Variants in ARHGEF10L observed in about 807,000 individuals in gnomAD.
ARHGEF10L encodes the protein Rho guanine nucleotide exchange factor 10 like, also known as rho guanine nucleotide exchange factor 10-like protein.
ARHGEF10L carries 69 observed loss-of-function variants against 141.2 expected under a neutral mutation model. That is an observed-to-expected ratio of 0.49 (90% CI 0.40 to 0.60). The LOEUF is 0.60. Among genes scored for constraint, ARHGEF10L ranks in the 20% least tolerant of loss-of-function variants. The pLI, the probability that ARHGEF10L is intolerant of heterozygous loss-of-function variation, is 0.00. For synonymous variants in ARHGEF10L, 711 were observed against 718.5 expected (o/e 0.99, Z 0.17); for missense variants, 1,482 against 1,734.3 (o/e 0.85, Z 2.58).
rs535413642 is a variant in ARHGEF10L, at chr1:17,609,427, C to T, written c.609+1450C>T. 7.2e-5 allele frequency among the ~76,000 whole-genome samples: 11 copies of T among 152,350 alleles called. No homozygotes were observed. In the East Asian group the frequency reaches 1.4e-3, roughly 19 times the overall value. On this transcript the variant is annotated intron_variant, in intron 7 of 28. Transcript: ENST00000361221. ...AAAAGCGAAGCATTTACAACACCTACTGTGTGCCTAGTCCATATCTTCAGT... is the reference window on the plus strand; with the variant it reads ...AAAAGCGAAGCATTTACAACACCTATTGTGTGCCTAGTCCATATCTTCAGT...
intron 19 of ARHGEF10L, 150 bp from the exon 20 acceptor site, chr1:17,638,412 C>T (rs1393628875): frequency 8.4e-7 from 1 of 1,183,930 alleles, no homozygotes; most frequent in African/African-American, 1.5e-5. Flanking sequence ...AGTTGGCCTC[C>T]TGCGTGGGGC....
chr1:17,638,774 C>T, intron 20 of ARHGEF10L, 85 bp downstream of exon 20: 1 of 1,568,364 alleles, frequency 6.4e-7, no homozygotes, highest in Non-Finnish European at 8.6e-7. Context: ...GTACCTGGAG[C>T]CCTCTTATTT....
chr1:17,673,932 G>A lies in ARHGEF10L; in HGVS notation c.3009+9337G>A, dbSNP rs1343455150. 3.3e-5 allele frequency among the ~76,000 whole-genome samples: 5 copies of A among 152,150 alleles called. No individual in the cohort carries two copies. The highest frequency in any genetic ancestry group is 9.7e-5 in the African/African-American group (4 of 41,396). On this transcript the variant is annotated intron_variant, in intron 26 of 28. Coordinates refer to ENST00000361221, the MANE Select transcript of ARHGEF10L (RefSeq NM_018125.4). The surrounding 1 kb of genome is among the most constrained non-coding windows in gnomAD (Gnocchi z 4.1). ...TCAGGGTGACTGGGACCACACACTC[G>A]TTGGTGGAGCCAGGATCTCAGGGTG...
chr1:17,671,755 C>G (rs1186685319), intron 26 of ARHGEF10L, among the ~76,000 whole-genome samples: 2 of 152,206 alleles, frequency 1.3e-5, no homozygotes, highest in Non-Finnish European at 2.9e-5. Flanking sequence ...CAGCTACATG[C>G]TGACATCCTG....
At chr1:17,632,785 G>C (rs2060775263) in intron 16 of ARHGEF10L, among the ~76,000 whole-genome samples, 1 of 152,170 alleles carries the variant, frequency 6.6e-6, no homozygotes, top group South Asian at 2.1e-4. Context: ...ATTCTTCCTT[G>C]TGTCTACCCC....
chr1:17,633,153 C>T (rs1458536787), intron 16 of ARHGEF10L, among the ~76,000 whole-genome samples: 2 of 152,140 alleles, frequency 1.3e-5, no homozygotes, highest in Non-Finnish European at 2.9e-5. Context: ...CCTGAGGCCA[C>T]GTGGGCCTGG....
chr1:17,588,833 C>T (rs1171237381), intron 4 of ARHGEF10L, among the ~76,000 whole-genome samples: 2 of 120,616 alleles, frequency 1.7e-5, no homozygotes, highest in Non-Finnish European at 3.3e-5. Context: ...GAGAAGCAAA[C>T]AGCTGGAGGG....
intron 4 of ARHGEF10L, among the ~76,000 whole-genome samples, chr1:17,588,849 AGTGTGTGTGTGTGTGTGTGTGT>A (rs57719075): frequency 9.8e-5 from 2 of 20,434 alleles, no homozygotes; most frequent in Non-Finnish European, 1.8e-4. Flanking sequence ...GAGGGTCCCC[AGTGTGTGTGTGTGTGTGTGTGT>A]GTGTGTGTGT....
upstream of ARHGEF10L, among the ~76,000 whole-genome samples, chr1:17,537,854 C>CAAAA (rs10611023): frequency 0.011 from 880 of 77,252 alleles, no homozygotes; most frequent in Middle Eastern, 0.017. Context: ...ACCATCTCTA[C>CAAAA]AAAAAAAAAA....
At chr1:17,695,965 G>C (rs910138591) in intron 28 of ARHGEF10L, among the ~76,000 whole-genome samples, 2 of 152,256 alleles carry the variant, frequency 1.3e-5, no homozygotes, top group African/African-American at 4.8e-5. Flanking sequence ...GGGAGGCCGA[G>C]GTGGGTGGAT....
rs2077665847 is a variant in ARHGEF10L at position 17,564,386 on chromosome 1, T to G, written c.-43-16167T>G. On this transcript the variant is annotated intron_variant, in intron 1 of 28. Transcript: ENST00000361221. ...CGCTGCAACACTTCAGGGGGGCCAC[T>G]GGTCTTGGGCACTTGATCTGAGTCC... is the stretch of plus-strand genomic sequence containing the variant. Among the ~76,000 whole-genome samples the G allele has an allele frequency of 2.0e-5, 3 of 152,180 alleles. No homozygotes were observed. The South Asian group carries it at 6.2e-4, about 32-fold the overall frequency.
intron 11 of ARHGEF10L, among the ~76,000 whole-genome samples, chr1:17,622,163 T>C (rs1048979415): frequency 6.6e-6 from 1 of 152,100 alleles, no homozygotes; most frequent in Non-Finnish European, 1.5e-5. Flanking sequence ...AAAATGGGAT[T>C]CTTTGAAATG....
At chr1:17,652,760 G>T (rs2062008638) in intron 22 of ARHGEF10L, among the ~76,000 whole-genome samples, 1 of 152,148 alleles carries the variant, frequency 6.6e-6, no homozygotes, top group Non-Finnish European at 1.5e-5. Flanking sequence ...CCCACCTGGG[G>T]ACAGGGCCTT....
rs35659971 is a variant in ARHGEF10L at position 17,623,042 on chromosome 1, C to T, written c.1067C>T (p.Ala356Val). 3,452 of 1,614,118 alleles carry T rather than the reference C, an allele frequency of 2.1e-3. 14 individuals carry two copies. The highest frequency in any genetic ancestry group is 7.8e-3 in the Middle Eastern group (47 of 6,038). Reference protein sequence around the residue: ...LMEMEPKALSARKCQVVFFRV... With the variant: ...LMEMEPKALSVRKCQVVFFRV... Reference sequence around the variant, plus strand: ...GAGATGGAGCCCAAGGCGCTGAGCGCCCGCAAGTGCCAGGTGGTGTTCTTC... The same window carrying T: ...GAGATGGAGCCCAAGGCGCTGAGCGTCCGCAAGTGCCAGGTGGTGTTCTTC... The change falls in exon 12 of 29, where the codon GCC (alanine) becomes GTC (valine). Residue 356 changes from alanine to valine, a missense_variant. Physicochemically the swap from Ala to Val is moderately conservative, Grantham distance 64 (BLOSUM62 0). Around this residue, in one of 3 missense-constraint regions of ARHGEF10L, gnomAD observed 392 missense variants for 542.1 expected, o/e 0.72. Coordinates refer to ENST00000361221, the MANE Select transcript of ARHGEF10L (RefSeq NM_018125.4). This position sits in a 1 kb window ranked among gnomAD's most constrained non-coding sequence, Gnocchi z 4.7.
upstream of ARHGEF10L, among the ~76,000 whole-genome samples, chr1:17,536,965 G>A (rs1360116229): frequency 6.6e-6 from 1 of 152,118 alleles, no homozygotes; most frequent in African/African-American, 2.4e-5. Flanking sequence ...AAACTCCTGG[G>A]CTCAAGTGAT....
chr1:17,624,535 AG>A, intron 13 of ARHGEF10L, 32 bp downstream of exon 13: 2 of 1,565,766 alleles, frequency 1.3e-6, no homozygotes, highest in Non-Finnish European at 1.8e-6. Flanking sequence ...GTGCCTGGTC[AG>A]GGTGGGCAGG....
chr1:17,536,646 C>T (rs561698703), upstream of ARHGEF10L, among the ~76,000 whole-genome samples: 6 of 152,180 alleles, frequency 3.9e-5, no homozygotes, highest in African/African-American at 1.4e-4. Context: ...CACTCTTTCT[C>T]GCCAGAGTGG....
intron 5 of ARHGEF10L, 90 bp downstream of exon 5, chr1:17,602,308 C>CA: frequency 1.7e-5 from 24 of 1,428,930 alleles, no homozygotes; most frequent in Non-Finnish European, 2.3e-5. Context: ...GATGTGGGCT[C>CA]CTGTGAGCCC....
At chr1:17,514,624 C>G in the ARHGEF10L span, among the ~76,000 whole-genome samples, 1 of 152,288 alleles carries the variant, frequency 6.6e-6, no homozygotes, top group Admixed American at 6.5e-5. Flanking sequence ...TTGGGACACC[C>G]CTTTATGGAA....
Sources: allele counts gnomAD v4.1 joint callset (sites outside exome capture counted in the v4.1 genomes callset), GRCh38; gene constraint gnomAD v4.1.1; regional missense constraint gnomAD v4.1.1; non-coding constraint Gnocchi (gnomAD v3.1); transcripts MANE v1.5; gene names NCBI Gene and HGNC (gene_info 2026-07-23, HGNC 2026-07-21).